RIT2: variants seen among roughly 807,000 people sequenced by gnomAD.
RIT2 encodes the protein GTP-binding protein Rit2.
RIT2 carries 24 observed loss-of-function variants against 23.7 expected under a neutral mutation model. That is an observed-to-expected ratio of 1.01 (90% CI 0.73 to 1.43). The LOEUF (loss-of-function observed/expected upper bound fraction) is 1.43. RIT2 is among the 40% of genes most tolerant of loss of function. The probability of loss-of-function intolerance (pLI) is 0.00; values close to 1 mark genes in which losing one functional copy is unlikely to be tolerated. For synonymous variants in RIT2, 107 were observed against 91.1 expected, an observed-to-expected ratio of 1.17 and a Z score of -0.99; for missense variants, 236 against 266.9, an observed-to-expected ratio of 0.88 and a Z score of 0.81.
At chr18:42,928,603 T>G (rs1245986302) in intron 3 of RIT2, among the ~76,000 whole-genome samples, 1 of 151,950 alleles carries the variant, frequency 6.6e-6, no homozygotes, top group Non-Finnish European at 1.5e-5. Context: ...ATCTTTTAAA[T>G]GAAAATACAG....
chr18:42,798,987 A>T (rs1905448794), intron 4 of RIT2, among the ~76,000 whole-genome samples: 1 of 152,226 alleles, frequency 6.6e-6, no homozygotes, highest in Admixed American at 6.5e-5. Context: ...GTCTCATTGC[A>T]TAAACTGTTT....
At chr18:42,975,242 A>G (rs948727300) in intron 2 of RIT2, among the ~76,000 whole-genome samples, 2 of 152,194 alleles carry the variant, frequency 1.3e-5, no homozygotes, top group Non-Finnish European at 1.5e-5. Flanking sequence ...GTAGAATGTT[A>G]TCAAAAGTCG....
At chr18:43,095,970 A>G (rs924298704) in intron 1 of RIT2, among the ~76,000 whole-genome samples, 3 of 152,014 alleles carry the variant, frequency 2.0e-5, no homozygotes, top group Non-Finnish European at 2.9e-5. Flanking sequence ...ATTTATACAC[A>G]GTAATGTCTA....
chr18:43,114,621 G>C (rs1180238098), intron 1 of RIT2, among the ~76,000 whole-genome samples: 1 of 151,956 alleles, frequency 6.6e-6, no homozygotes, highest in African/African-American at 2.4e-5. Context: ...ATAGCTCCGA[G>C]CTATCTAACA....
At chr18:42,938,115 T>G (rs1253039078) in intron 3 of RIT2, among the ~76,000 whole-genome samples, 1 of 151,902 alleles carries the variant, frequency 6.6e-6, no homozygotes, top group Non-Finnish European at 1.5e-5. Flanking sequence ...GAAAAGAGAG[T>G]GGAAGAGTAA....
At chr18:42,857,257 T>C (rs1907212372) in intron 4 of RIT2, among the ~76,000 whole-genome samples, 1 of 152,234 alleles carries the variant, frequency 6.6e-6, no homozygotes, top group Non-Finnish European at 1.5e-5. Context: ...AAAATATCTG[T>C]AGCTTTATAG....
chr18:42,973,876 T>C (rs1004293086), intron 3 of RIT2, among the ~76,000 whole-genome samples, 198 bp downstream of exon 3: 2 of 150,684 alleles, frequency 1.3e-5, no homozygotes, highest in Non-Finnish European at 2.9e-5. Flanking sequence ...TGGACTCTTT[T>C]ATTTTTAGAA....
chr18:43,036,056 G>A (rs1024720811), intron 1 of RIT2, among the ~76,000 whole-genome samples: 1 of 152,152 alleles, frequency 6.6e-6, no homozygotes, highest in African/African-American at 2.4e-5. Context: ...GAACTGTTAT[G>A]GGCTAAGTTA....
At chr18:43,001,244 A>G (rs1369368077) in intron 2 of RIT2, among the ~76,000 whole-genome samples, 1 of 151,976 alleles carries the variant, frequency 6.6e-6, no homozygotes, top group Non-Finnish European at 1.5e-5. Flanking sequence ...TTCAGCCTAG[A>G]GAGGGGAGGG....
chr18:42,880,360 T>A (rs1297002457), intron 4 of RIT2, among the ~76,000 whole-genome samples: 1 of 152,138 alleles, frequency 6.6e-6, no homozygotes, highest in African/African-American at 2.4e-5. Context: ...TTGATTTTTG[T>A]TTTACCCCTT....
At chr18:42,810,467 C>T (rs1393879076) in intron 4 of RIT2, among the ~76,000 whole-genome samples, 1 of 151,384 alleles carries the variant, frequency 6.6e-6, no homozygotes, top group African/African-American at 2.4e-5. Context: ...TCCTGAAGAG[C>T]TTCATTATAC....
At chr18:42,898,137 C>A (rs994983313) in intron 4 of RIT2, among the ~76,000 whole-genome samples, 2 of 152,092 alleles carry the variant, frequency 1.3e-5, no homozygotes, top group Middle Eastern at 3.2e-3. Context: ...CACAATGGCT[C>A]GCGCCTGAAA....
intron 4 of RIT2, among the ~76,000 whole-genome samples, chr18:42,814,124 G>A (rs975781869): frequency 1.3e-5 from 2 of 152,210 alleles, no homozygotes; most frequent in African/African-American, 4.8e-5. Context: ...GGGTCCTTCG[G>A]GAGGGCAGCC....
intron 3 of RIT2, among the ~76,000 whole-genome samples, chr18:42,929,034 G>GATATAT (rs770619793): frequency 0.046 from 4,449 of 96,858 alleles, 185 homozygotes; most frequent in African/African-American, 0.082. Context: ...AAAATATGGA[G>GATATAT]ATATATATAT....
rs111896462 is a variant in RIT2 at position 43,069,757 on chromosome 18, A to C, written c.104-35890T>G. Among the ~76,000 whole-genome samples, 803 of 152,190 alleles carry C rather than the reference A, an allele frequency of 5.3e-3. 8 individuals carry two copies. Among genetic ancestry groups the C allele is most frequent in the African/African-American group, 0.018 (768 of 41,544 alleles). On this transcript the variant is annotated intron_variant, in intron 1 of 4. Transcript: ENST00000326695. ...TCCCTACTGCATCTGTGACCTTATA[A>C]CTTATTGATGTTTCTTTCTGGAGTA... is the stretch of plus-strand genomic sequence containing the variant.
chr18:43,112,786 C>A (rs1388867982), intron 1 of RIT2, among the ~76,000 whole-genome samples: 8 of 152,018 alleles, frequency 5.3e-5, no homozygotes, highest in Admixed American at 4.6e-4. Context: ...CATAAAAAAT[C>A]TCCAAGATTT....
At chr18:42,941,819 C>A (rs1909606843) in intron 3 of RIT2, among the ~76,000 whole-genome samples, 1 of 151,758 alleles carries the variant, frequency 6.6e-6, no homozygotes, top group South Asian at 2.1e-4. Flanking sequence ...ATGTTTTATT[C>A]CAGTTAATTT....
At chr18:42,777,609 T>G (rs888443868) in intron 4 of RIT2, among the ~76,000 whole-genome samples, 8 of 152,198 alleles carry the variant, frequency 5.3e-5, no homozygotes, top group African/African-American at 1.7e-4. Flanking sequence ...TTTAATATGT[T>G]GGAGTTCATT....
intron 4 of RIT2, among the ~76,000 whole-genome samples, chr18:42,848,704 G>A (rs574516889): frequency 3.9e-5 from 6 of 152,052 alleles, no homozygotes; most frequent in African/African-American, 1.4e-4. Flanking sequence ...GTTCTCTCTC[G>A]TTAGCATAAA....
Sources: gnomAD v4.1 joint callset for allele counts (sites outside exome capture counted in the v4.1 genomes callset) on GRCh38, gnomAD v4.1.1 for gene constraint, MANE v1.5 for transcripts, NCBI Gene and HGNC (gene_info 2026-07-23, HGNC 2026-07-21) for gene names.